EGFLAM: variants seen among roughly 807,000 people sequenced by gnomAD.
EGFLAM encodes the protein pikachurin.
In EGFLAM, 79 loss-of-function variants were observed where a neutral mutation model predicts 113.1. The observed-to-expected ratio is 0.70, with a 90% CI of 0.58 to 0.84. The LOEUF is 0.84. EGFLAM is among the 40% of genes least tolerant of loss of function. EGFLAM has a pLI of 0.00. For missense variants in EGFLAM, 1,265 were observed against 1,291.6 expected, an observed-to-expected ratio of 0.98 and a Z score of 0.32; for synonymous variants, 504 against 487.6, an observed-to-expected ratio of 1.03 and a Z score of -0.44.
intron 11 of EGFLAM, among the ~76,000 whole-genome samples, chr5:38,412,900 G>A (rs1224247887): frequency 1.3e-5 from 2 of 152,198 alleles, no homozygotes; most frequent in Non-Finnish European, 2.9e-5. Context: ...AAACTTGCAA[G>A]CATCATTGCT....
chr5:38,300,591 G>T (rs1758552456), intron 1 of EGFLAM, among the ~76,000 whole-genome samples: 1 of 152,098 alleles, frequency 6.6e-6, no homozygotes, highest in South Asian at 2.1e-4. Flanking sequence ...GGCCAGGCTG[G>T]TCTCGAACTA....
chr5:38,277,046 A>G (rs1330073105), intron 1 of EGFLAM, among the ~76,000 whole-genome samples: 1 of 152,172 alleles, frequency 6.6e-6, no homozygotes, highest in Admixed American at 6.5e-5. Flanking sequence ...AGGAGGGAAT[A>G]CTTCCAAACT....
At chr5:38,415,374 A>C (rs1741609667) in intron 11 of EGFLAM, among the ~76,000 whole-genome samples, 1 of 143,700 alleles carries the variant, frequency 7.0e-6, no homozygotes, top group Admixed American at 6.9e-5. Context: ...AAAAAAAAAA[A>C]AGAAAAGAAT....
In EGFLAM at chr5:38,456,775, C is replaced by T. The variant is rs182126904; in HGVS notation, c.2688-1536C>T. Among the ~76,000 whole-genome samples, 9 of 152,316 alleles carry T rather than the reference C, an allele frequency of 5.9e-5. No homozygotes were observed. The East Asian group carries it at 1.7e-3, about 29-fold the overall frequency. ...ATCCAGATTTTCTCTCGACATCCCT[C>T]TCTCTTGGGCAATGAGGTGAAGGAG... On this transcript the variant is annotated intron_variant, in intron 19 of 21. Coordinates refer to ENST00000322350, the MANE Select transcript of EGFLAM (RefSeq NM_152403.4).
chr5:38,361,190 A>C (rs1218555122), intron 5 of EGFLAM, among the ~76,000 whole-genome samples: 1 of 151,946 alleles, frequency 6.6e-6, no homozygotes, highest in African/African-American at 2.4e-5. Flanking sequence ...TATGCTTGCT[A>C]TCCTGTCAGG....
intron 1 of EGFLAM, among the ~76,000 whole-genome samples, chr5:38,321,203 G>T (rs1561276992): frequency 6.6e-6 from 1 of 152,034 alleles, no homozygotes; most frequent in Non-Finnish European, 1.5e-5. Flanking sequence ...AGATCATCAG[G>T]CATTAGATTC....
At chr5:38,302,077 T>C (rs1032869143) in intron 1 of EGFLAM, among the ~76,000 whole-genome samples, 1 of 151,910 alleles carries the variant, frequency 6.6e-6, no homozygotes, top group Non-Finnish European at 1.5e-5. Flanking sequence ...CCGTCTCTAC[T>C]AAATACAAAA....
chr5:38,371,725 T>G (rs1160950447), intron 6 of EGFLAM, among the ~76,000 whole-genome samples: 1 of 152,180 alleles, frequency 6.6e-6, no homozygotes, highest in African/African-American at 2.4e-5. Flanking sequence ...TTCTTTAGAA[T>G]TTAGAAGCTT....
intron 1 of EGFLAM, among the ~76,000 whole-genome samples, chr5:38,259,507 CGT>C (rs1491313593): frequency 6.6e-6 from 1 of 152,222 alleles, no homozygotes; most frequent in Non-Finnish European, 1.5e-5. Flanking sequence ...ACCATAATAA[CGT>C]GTGTTTCCTC....
chr5:38,445,541 A>G (rs1207082891), intron 17 of EGFLAM: 41 of 1,574,574 alleles, frequency 2.6e-5, no homozygotes, highest in Non-Finnish European at 3.4e-5. Context: ...CCCTAAGAGG[A>G]CGTTCTGGAC....
intron 10 of EGFLAM, among the ~76,000 whole-genome samples, chr5:38,411,364 G>C (rs1203550420): frequency 6.6e-6 from 1 of 152,036 alleles, no homozygotes; most frequent in Non-Finnish European, 1.5e-5. Flanking sequence ...GGAGGCGGAG[G>C]TTGCAGTGAG....
chr5:38,282,181 A>G (rs1230635580), intron 1 of EGFLAM: 3 of 152,246 alleles, frequency 2.0e-5, no homozygotes, highest in Non-Finnish European at 4.4e-5. Flanking sequence ...AATGATTATT[A>G]GTCAAACTAA....
intron 1 of EGFLAM, among the ~76,000 whole-genome samples, chr5:38,280,690 C>A (rs1422614017): frequency 3.3e-4 from 50 of 152,070 alleles, no homozygotes. Flanking sequence ...CATCAGTGTC[C>A]CTAGTTGTTC....
intron 6 of EGFLAM, among the ~76,000 whole-genome samples, chr5:38,398,528 A>G (rs1219145146): frequency 6.6e-6 from 1 of 152,260 alleles, no homozygotes; most frequent in Non-Finnish European, 1.5e-5. Flanking sequence ...ACAGAAATAT[A>G]AAAGAATTAA....
At chr5:38,445,593 G>A (rs1742681073) in intron 17 of EGFLAM, 1 of 1,597,884 alleles carries the variant, frequency 6.3e-7, no homozygotes, top group Non-Finnish European at 8.5e-7. Flanking sequence ...CTGGCTTCAA[G>A]TGATCTGCAA....
chr5:38,445,625 A>G, intron 17 of EGFLAM: 1 of 1,598,410 alleles, frequency 6.3e-7, no homozygotes, highest in Non-Finnish European at 8.5e-7. Context: ...GGGATTTGAC[A>G]AGGACTGTGA....
At chr5:38,457,764 T>G (rs1206674916) in intron 19 of EGFLAM, among the ~76,000 whole-genome samples, 2 of 152,176 alleles carry the variant, frequency 1.3e-5, no homozygotes, top group Non-Finnish European at 1.5e-5. Flanking sequence ...TTCCTGATAC[T>G]TTAGTACTGA....
intron 11 of EGFLAM, among the ~76,000 whole-genome samples, chr5:38,413,327 C>A (rs192778376): frequency 6.1e-4 from 93 of 151,762 alleles, no homozygotes; most frequent in Non-Finnish European, 1.2e-3. Context: ...CCACACCCAG[C>A]CTAGAAGCCA....
intron 6 of EGFLAM, among the ~76,000 whole-genome samples, chr5:38,404,446 T>C (rs1327014608): frequency 2.0e-5 from 3 of 152,134 alleles, no homozygotes; most frequent in Admixed American, 6.5e-5. Flanking sequence ...ATCTGGGACT[T>C]CACAGCCTGC....
Sources: allele counts gnomAD v4.1 joint callset (sites outside exome capture counted in the v4.1 genomes callset), GRCh38; gene constraint gnomAD v4.1.1; transcripts MANE v1.5; gene names NCBI Gene and HGNC (gene_info 2026-07-23, HGNC 2026-07-21).